Variants in DAGLA observed in about 807,000 individuals in gnomAD.
The protein encoded by DAGLA is diacylglycerol lipase alpha, also known as diacylglycerol lipase-alpha.
In DAGLA, 22 loss-of-function variants were observed where a neutral mutation model predicts 102.6. That is an observed-to-expected ratio of 0.21 (90% CI 0.15 to 0.31). DAGLA has a LOEUF of 0.31. Among genes scored for constraint, DAGLA ranks in the 10% least tolerant of loss-of-function variants. DAGLA has a pLI of 1.00. For synonymous variants in DAGLA, 578 were observed against 628.9 expected (o/e 0.92, Z 1.21); for missense variants, 927 against 1,446.6 (o/e 0.64, Z 5.83).
chr11:61,735,465 C>G, intron 10 of DAGLA, 96 bp from the exon 11 acceptor site: 1 of 1,103,822 alleles, frequency 9.1e-7, no homozygotes, highest in Non-Finnish European at 1.3e-6. Context: ...CTGGTGGAGC[C>G]AGAGTTCCTG....
chr11:61,709,320 C>T (rs2065175026), intron 1 of DAGLA, among the ~76,000 whole-genome samples: 1 of 152,216 alleles, frequency 6.6e-6, no homozygotes, highest in Non-Finnish European at 1.5e-5. Flanking sequence ...TCTTCGCTCA[C>T]TGCAACCTCC....
At chr11:61,740,314 G>A (rs930326789) in intron 17 of DAGLA, 149 bp from the exon 18 acceptor site, 4 of 1,047,962 alleles carry the variant, frequency 3.8e-6, no homozygotes, top group Non-Finnish European at 5.5e-6. Context: ...GCCAGGCCAG[G>A]GAACAGAGCC....
chr11:61,698,962 A>C (rs1409390159), intron 1 of DAGLA, among the ~76,000 whole-genome samples: 2 of 152,164 alleles, frequency 1.3e-5, no homozygotes, highest in African/African-American at 4.8e-5. Flanking sequence ...AAGAGAACAG[A>C]CTGTGCAAGG....
chr11:61,712,825 G>C (rs1229990530), intron 1 of DAGLA, among the ~76,000 whole-genome samples: 3 of 152,202 alleles, frequency 2.0e-5, no homozygotes, highest in South Asian at 2.1e-4. Flanking sequence ...GGGTCCTACT[G>C]TCTCTGTGTT....
At chr11:61,695,691 C>T (rs2065059307) in intron 1 of DAGLA, among the ~76,000 whole-genome samples, 2 of 152,224 alleles carry the variant, frequency 1.3e-5, no homozygotes, top group Admixed American at 1.3e-4. Flanking sequence ...TTTGCTCCTC[C>T]TCTCTCTCTT....
chr11:61,746,920 T>G lies in DAGLA; in HGVS notation c.*2431T>G, dbSNP rs2065546409. On this transcript the variant is annotated 3_prime_UTR_variant, in exon 20 of 20. Transcript: ENST00000257215. ...GCTGTAAAAAGGAGAGACAAATTAA[T>G]ATAGCTTATTCTATAAATATATCTG... 6.6e-6 allele frequency: 1 copy of G among 152,588 alleles called. No individual in the cohort carries two copies. Among genetic ancestry groups the G allele is most frequent in the Non-Finnish European group, 1.5e-5 (1 of 68,048 alleles). 9.5% of individuals were successfully genotyped at this position (152,588 alleles called of 1,614,324 possible).
At chr11:61,743,098 C>T (rs2135614120) in intron 19 of DAGLA, among the ~76,000 whole-genome samples, 1 of 152,244 alleles carries the variant, frequency 6.6e-6, no homozygotes, top group East Asian at 1.9e-4. Context: ...GGCGCGGTGG[C>T]TCACGCCTGT....
chr11:61,737,186 G>A lies in DAGLA; in HGVS notation c.1376G>A (p.Arg459His), dbSNP rs769459958. ...CAGGCTTCTCTCGGTCTCCAGGGCCGCGGAACCAAACACTACGGCCTGATT... is the reference window on the plus strand; with the variant it reads ...CAGGCTTCTCTCGGTCTCCAGGGCCACGGAACCAAACACTACGGCCTGATT... ...LSQAFGRDLG[R>H]GTKHYGLIVV... is the part of the protein sequence containing the mutation. Residue 459 changes from arginine (R) to histidine (H), a missense_variant, in exon 14 of 20, where the codon CGC becomes CAC. Coordinates refer to ENST00000257215, the MANE Select transcript of DAGLA (RefSeq NM_006133.3). The A allele has an allele frequency of 1.1e-5, 18 of 1,613,332 alleles. No homozygotes were observed. The highest frequency in any genetic ancestry group is 1.6e-4 in the Middle Eastern group (1 of 6,082).
chr11:61,723,526 A>C lies in DAGLA; in HGVS notation c.502A>C (p.Arg168=). 1 of 1,614,038 alleles carries C rather than the reference A, an allele frequency of 6.2e-7. No individual in the cohort carries two copies. Among genetic ancestry groups the C allele is most frequent in the South Asian group, 1.1e-5 (1 of 91,062 alleles). The part of the protein sequence containing the change: ...DPTGRTFVKL[R]ATKRRQRNLR... ...CACGGGCCGCACCTTTGTCAAGCTGAGAGCCACCAAGAGGAGGCAGCGTAA... is the reference window on the plus strand; with the variant it reads ...CACGGGCCGCACCTTTGTCAAGCTGCGAGCCACCAAGAGGAGGCAGCGTAA... Residue 168 remains arginine, a synonymous_variant, in exon 5 of 20, where the codon AGA becomes CGA. Transcript: ENST00000257215.
chr11:61,732,207 G>A (rs1033719491), intron 9 of DAGLA, among the ~76,000 whole-genome samples: 3 of 152,190 alleles, frequency 2.0e-5, no homozygotes, highest in African/African-American at 7.2e-5. Flanking sequence ...AGGCTGGCAT[G>A]CTGGGCAGCA....
At chr11:61,737,829 G>A (rs550952304) in intron 15 of DAGLA, 74 bp downstream of exon 15, 77 of 1,225,400 alleles carry the variant, frequency 6.3e-5, no homozygotes, top group Non-Finnish European at 8.5e-5. Context: ...CCCACCCCCA[G>A]CCCCCGCATC....
chr11:61,694,459 C>T (rs190834806), intron 1 of DAGLA, among the ~76,000 whole-genome samples: 124 of 152,322 alleles, frequency 8.1e-4, no homozygotes, highest in African/African-American at 2.8e-3. Flanking sequence ...GACATGAGAG[C>T]GATCCACCAC....
chr11:61,699,974 C>T (rs1273883115), intron 1 of DAGLA, among the ~76,000 whole-genome samples: 2 of 152,260 alleles, frequency 1.3e-5, no homozygotes, highest in African/African-American at 2.4e-5. Flanking sequence ...CTGGGCACTC[C>T]GTTTTTCTGC....
chr11:61,695,304 G>A (rs2065056416), intron 1 of DAGLA, among the ~76,000 whole-genome samples: 1 of 152,224 alleles, frequency 6.6e-6, no homozygotes, highest in Non-Finnish European at 1.5e-5. Context: ...TCTGCCTGGG[G>A]CTGAGCAGTG....
At chr11:61,720,059 C>A in intron 1 of DAGLA, 53 bp from the exon 2 acceptor site, 1 of 1,275,190 alleles carries the variant, frequency 7.8e-7, no homozygotes, top group Non-Finnish European at 1.1e-6. Flanking sequence ...ATGCAGTGGC[C>A]CTGGGTGCCT....
chr11:61,726,935 G>A (rs759971348), intron 6 of DAGLA, among the ~76,000 whole-genome samples: 3 of 152,260 alleles, frequency 2.0e-5, no homozygotes, highest in Non-Finnish European at 2.9e-5. Flanking sequence ...TCTCTGGGGC[G>A]GTCTGAGGGG....
In DAGLA at chr11:61,741,322, C is replaced by T. The variant is rs569280274; in HGVS notation, c.2144C>T (p.Thr715Ile). The T allele has an allele frequency of 1.1e-5, 17 of 1,609,548 alleles. No homozygotes were observed. The South Asian group carries it at 1.3e-4, about 12-fold the overall frequency. ...ACTGGCCTTGCCCTGGAGCTGCCGA[C>T]TGCAGACCACCGCAACAGCAGCGTC... ...MPTGLALELP[T>I]ADHRNSSVRS... is the part of the protein sequence containing the mutation. The change falls in exon 19 of 20, where the codon ACT becomes ATT. Residue 715 changes from threonine to isoleucine, a missense_variant. By Grantham distance (89) the Thr-to-Ile change is moderately conservative. This residue lies in a region of DAGLA where 434 missense variants were observed against 503.3 expected (regional missense o/e 0.86). Coordinates refer to ENST00000257215, the MANE Select transcript of DAGLA (RefSeq NM_006133.3).
At chr11:61,735,052 G>C in intron 10 of DAGLA, 50 bp downstream of exon 10, 2 of 1,592,812 alleles carry the variant, frequency 1.3e-6, no homozygotes, top group Non-Finnish European at 1.7e-6. Context: ...GCAGCTGAGG[G>C]CCTAGGGTGC....
Position 61,745,962 on chromosome 11 carries a change from T to A in DAGLA, c.*1473T>A, listed in dbSNP as rs1439126072. On this transcript the variant is annotated 3_prime_UTR_variant, in exon 20 of 20. Transcript: ENST00000257215. ...GCTGTGACCCGTTTTGGAAAACTGG[T>A]GTGTACCGAGGCGCTGACTGCACGG... 1 of 152,402 alleles carries A rather than the reference T, an allele frequency of 6.6e-6. No homozygotes were observed. Among genetic ancestry groups the A allele is most frequent in the African/African-American group, 2.4e-5 (1 of 41,442 alleles). 9.4% of individuals were successfully genotyped at this position (152,402 alleles called of 1,614,324 possible).
Sources: gnomAD v4.1 joint callset for allele counts (sites outside exome capture counted in the v4.1 genomes callset) on GRCh38, gnomAD v4.1.1 for gene constraint, gnomAD v4.1.1 regional missense constraint, MANE v1.5 for transcripts, NCBI Gene and HGNC (gene_info 2026-07-23, HGNC 2026-07-21) for gene names.